DYNC1I1: variants seen among roughly 807,000 people sequenced by gnomAD.
The protein encoded by DYNC1I1 is cytoplasmic dynein 1 intermediate chain 1.
In DYNC1I1, 43 loss-of-function variants were observed where a neutral mutation model predicts 86.6. The observed-to-expected ratio is 0.50, with a 90% CI of 0.39 to 0.64. The LOEUF is 0.64. Among genes scored for constraint, DYNC1I1 ranks in the 30% least tolerant of loss-of-function variants. The pLI, the probability that DYNC1I1 is intolerant of heterozygous loss-of-function variation, is 0.00. For synonymous variants in DYNC1I1, 262 were observed against 283.7 expected (o/e 0.92, Z 0.77); for missense variants, 604 against 788.8 (o/e 0.77, Z 2.81).
intron 6 of DYNC1I1, among the ~76,000 whole-genome samples, chr7:95,874,692 C>G (rs568495560): frequency 6.6e-6 from 1 of 151,806 alleles, no homozygotes; most frequent in African/African-American, 2.4e-5. Flanking sequence ...GTGTGTTCAC[C>G]GAGGAAAGGC....
Position 95,869,871 on chromosome 7 carries a change from T to C in DYNC1I1, c.375-12T>C, listed in dbSNP as rs79162063. On this transcript the variant is annotated splice_polypyrimidine_tract_variant and intron_variant, in intron 5 of 16. Transcript: ENST00000447467. ...CTCCCCTCTCTAAGCATTTATTCTT[T>C]GTTACTTACAGAAGAAGACTGCATA... 0.015 allele frequency: 24,359 copies of C among 1,610,154 alleles called. 1,322 individuals carry two copies. Among genetic ancestry groups the C allele is most frequent in the Admixed American group, 0.14 (8,380 of 59,304 alleles).
intron 5 of DYNC1I1, among the ~76,000 whole-genome samples, chr7:95,830,839 T>C (rs1418848319): frequency 6.6e-6 from 1 of 152,170 alleles, no homozygotes; most frequent in Non-Finnish European, 1.5e-5. Flanking sequence ...TATGAGAGCC[T>C]CGATTTTTCC....
chr7:96,007,785 A>G (rs720780), intron 10 of DYNC1I1, among the ~76,000 whole-genome samples: 50,905 of 152,118 alleles, frequency 0.33, 9,096 homozygotes, highest in African/African-American at 0.46. Flanking sequence ...GAAAGATGAC[A>G]CCTTGGGAAA....
At chr7:95,981,172 T>G (rs1286423036) in intron 7 of DYNC1I1, among the ~76,000 whole-genome samples, 2 of 152,048 alleles carry the variant, frequency 1.3e-5, no homozygotes, top group African/African-American at 4.8e-5. Flanking sequence ...GTATAAGTTG[T>G]GAACTTCATT....
intron 1 of DYNC1I1, among the ~76,000 whole-genome samples, chr7:95,775,628 A>T (rs1397634622): frequency 6.6e-6 from 1 of 152,234 alleles, no homozygotes; most frequent in African/African-American, 2.4e-5. Flanking sequence ...TGTGAATAAT[A>T]TATGCACACT....
intron 6 of DYNC1I1, among the ~76,000 whole-genome samples, chr7:95,938,860 A>G (rs1443686354): frequency 6.6e-6 from 1 of 152,118 alleles, no homozygotes; most frequent in Non-Finnish European, 1.5e-5. Flanking sequence ...TTTATTTTTA[A>G]TAAATAAAAA....
intron 6 of DYNC1I1, among the ~76,000 whole-genome samples, chr7:95,929,553 G>T (rs1456975865): frequency 6.6e-6 from 1 of 152,082 alleles, no homozygotes; most frequent in Non-Finnish European, 1.5e-5. Context: ...TTTTGAAAGC[G>T]TAAAAGCATG....
At chr7:95,810,755 C>CGT (rs1195326543) in intron 3 of DYNC1I1, among the ~76,000 whole-genome samples, 1 of 152,050 alleles carries the variant, frequency 6.6e-6, no homozygotes, top group Non-Finnish European at 1.5e-5. Flanking sequence ...CCTTCTCCAC[C>CGT]GTGTTACTAG....
At chr7:95,876,112 T>G (rs1005860231) in intron 6 of DYNC1I1, among the ~76,000 whole-genome samples, 1 of 152,180 alleles carries the variant, frequency 6.6e-6, no homozygotes. Flanking sequence ...TGGTGGTCTC[T>G]TTTCAGATTC....
At chr7:95,987,546 A>G (rs570607562) in intron 9 of DYNC1I1, among the ~76,000 whole-genome samples, 19 of 152,006 alleles carry the variant, frequency 1.2e-4, no homozygotes, top group African/African-American at 4.6e-4. Context: ...ACTCCTCTCT[A>G]CTGTCTCCTA....
chr7:96,102,154 CA>C (rs1791146397), downstream of DYNC1I1, among the ~76,000 whole-genome samples: 1 of 152,002 alleles, frequency 6.6e-6, no homozygotes, highest in Admixed American at 6.6e-5. Flanking sequence ...ACCTATAAAA[CA>C]AGATCAGAAA....
chr7:95,961,253 G>C (rs562260666), intron 6 of DYNC1I1, among the ~76,000 whole-genome samples: 2 of 152,112 alleles, frequency 1.3e-5, no homozygotes, highest in African/African-American at 2.4e-5. Context: ...GAGTCAGCAG[G>C]TCTGATTTCT....
Position 95,804,329 on chromosome 7 carries a change from G to A in DYNC1I1, c.-9-392G>A, listed in dbSNP as rs1481199079. The A allele has an allele frequency of 2.4e-6, 3 of 1,266,662 alleles. No homozygotes were observed. In the Admixed American group the frequency reaches 8.0e-5, roughly 34 times the overall value. The allele number at this position is 1,266,662 out of a possible 1,614,324, so 78.5% of individuals were successfully genotyped here. ...CAGGCTGTTTTCTTTTCTCAGTGTG[G>A]GGATGAATTGCTCCATTATCATCTA... is the stretch of plus-strand genomic sequence containing the variant. On this transcript the variant is annotated intron_variant, in intron 1 of 16. Coordinates refer to ENST00000447467, the MANE Select transcript of DYNC1I1 (RefSeq NM_001135556.2).
At position 96,027,230 on chromosome 7, in the gene DYNC1I1, A is replaced by G. The variant is rs532682550; in HGVS notation, c.970-945A>G. 9.1e-4 allele frequency among the ~76,000 whole-genome samples: 138 copies of G among 152,188 alleles called. 1 individual carries two copies. The highest frequency in any genetic ancestry group is 1.1e-3 in the Non-Finnish European group (74 of 68,030). On this transcript the variant is annotated intron_variant, in intron 10 of 16. Transcript: ENST00000447467. ...CCATTCCTGGTACAGTGCCTTCCTT[A>G]TACATGGTAAGTTCTCAGTGACTTC...
rs1395593815 is a variant in DYNC1I1, at chr7:95,894,421, C to A, written c.490+24423C>A. ...TCTCCCAAAGGACCTACATCTAATA[C>A]CCTTACCTTGGGGGTTAGGATTTCA... is the stretch of plus-strand genomic sequence containing the variant. On this transcript the variant is annotated intron_variant, in intron 6 of 16. Transcript: ENST00000447467. Among the ~76,000 whole-genome samples, 4 of 143,544 alleles carry A rather than the reference C, an allele frequency of 2.8e-5. No individual in the cohort carries two copies. In the East Asian group the frequency reaches 8.2e-4, roughly 29 times the overall value. 94.2% of individuals were successfully genotyped at this position (143,544 alleles called of 152,430 possible). A position where few individuals can be genotyped will look rare whatever the true frequency, so the allele number is the denominator to read the frequency against.
At chr7:95,831,252 T>C (rs1788892975) in intron 5 of DYNC1I1, among the ~76,000 whole-genome samples, 1 of 152,218 alleles carries the variant, frequency 6.6e-6, no homozygotes, top group African/African-American at 2.4e-5. Flanking sequence ...AAATTTGTTC[T>C]TTTATGGATC....
At chr7:95,886,460 A>C (rs909167103) in intron 6 of DYNC1I1, among the ~76,000 whole-genome samples, 13 of 151,264 alleles carry the variant, frequency 8.6e-5, no homozygotes, top group Non-Finnish European at 1.2e-4. Flanking sequence ...CAAAACAAAC[A>C]AGCAAAAAAA....
chr7:95,967,558 T>C (rs1793048626), intron 6 of DYNC1I1, among the ~76,000 whole-genome samples: 1 of 152,180 alleles, frequency 6.6e-6, no homozygotes, highest in African/African-American at 2.4e-5. Context: ...AGTAAGGACC[T>C]CCCTTGCTCT....
chr7:96,096,833 C>T (rs1231064062), intron 16 of DYNC1I1, among the ~76,000 whole-genome samples: 1 of 151,970 alleles, frequency 6.6e-6, no homozygotes, highest in African/African-American at 2.4e-5. Flanking sequence ...TCTTTCTGTG[C>T]CTCTAATATA....
Sources: gnomAD v4.1 joint callset for allele counts (sites outside exome capture counted in the v4.1 genomes callset) on GRCh38, gnomAD v4.1.1 for gene constraint, MANE v1.5 for transcripts, NCBI Gene and HGNC (gene_info 2026-07-23, HGNC 2026-07-21) for gene names.